Variants in KLHL5 observed in about 807,000 individuals in gnomAD.
KLHL5 encodes the protein kelch like family member 5.
KLHL5 carries 48 observed loss-of-function variants against 77.7 expected under a neutral mutation model. That is an observed-to-expected ratio of 0.62 (90% confidence interval 0.49 to 0.79). The LOEUF is 0.79. KLHL5 is among the 30% of genes least tolerant of loss of function. The pLI is 0.00. For missense variants in KLHL5, 723 were observed against 859.7 expected (o/e 0.84, Z 1.99); for synonymous variants, 260 against 297.0 (o/e 0.88, Z 1.28).
rs1723359016 is a variant in KLHL5, at chr4:39,123,738, C to A, written c.*2672C>A. Among the ~76,000 whole-genome samples the A allele has an allele frequency of 6.6e-6, 1 of 152,118 alleles. No homozygotes were observed. Among genetic ancestry groups the A allele is most frequent in the Admixed American group, 6.5e-5 (1 of 15,268 alleles). ...AACCTGATAAAGACATCCATAAAAA[C>A]CCACAGCTAACAACATAATAGCAAA... On this transcript the variant is annotated 3_prime_UTR_variant, in exon 11 of 11. Transcript: ENST00000504108.
At chr4:39,132,397 T>C in the KLHL5 span, among the ~76,000 whole-genome samples, 7 of 152,174 alleles carry the variant, frequency 4.6e-5, no homozygotes, top group South Asian at 2.1e-4. Flanking sequence ...TCACTTGAGC[T>C]CACAAGTTCG....
chr4:39,106,225 C>T (rs1303448004), intron 7 of KLHL5, among the ~76,000 whole-genome samples: 1 of 152,180 alleles, frequency 6.6e-6, no homozygotes, highest in Non-Finnish European at 1.5e-5. Flanking sequence ...ACCTCAGGAC[C>T]TTTGCACGTG....
chr4:39,111,753 C>A (rs1722468515), intron 8 of KLHL5, among the ~76,000 whole-genome samples: 1 of 152,026 alleles, frequency 6.6e-6, no homozygotes, highest in African/African-American at 2.4e-5. Context: ...ATTTCAATTT[C>A]CATACTATTA....
intron 2 of KLHL5, among the ~76,000 whole-genome samples, chr4:39,078,325 G>A (rs538219028): frequency 1.3e-5 from 2 of 151,968 alleles, no homozygotes; most frequent in Non-Finnish European, 2.9e-5. Context: ...AGCAGAGGTT[G>A]CAGTGAACCG....
chr4:39,065,321 C>G (rs1415158370), intron 1 of KLHL5, among the ~76,000 whole-genome samples: 1 of 151,614 alleles, frequency 6.6e-6, no homozygotes, highest in Admixed American at 6.6e-5. Context: ...CAAATCAAAG[C>G]CTGTCACTGT....
At chr4:39,068,087 T>C (rs1485833022) in intron 1 of KLHL5, among the ~76,000 whole-genome samples, 1 of 152,116 alleles carries the variant, frequency 6.6e-6, no homozygotes, top group Non-Finnish European at 1.5e-5. Context: ...TCAGTTGATT[T>C]GCTACTCTTC....
rs565240260 is a variant in KLHL5, at chr4:39,078,244, G to A, written c.566+2097G>A. ...TTACTAAAAATACAAAAATTAGCCC[G>A]GTGTGGTGGCAGGTACCTGTAATCC... On this transcript the variant is annotated intron_variant, in intron 2 of 10. Transcript: ENST00000504108. Among the ~76,000 whole-genome samples, 22 of 152,116 alleles carry A rather than the reference G, an allele frequency of 1.4e-4. No individual in the cohort carries two copies. In the South Asian group the frequency reaches 4.0e-3, roughly 27 times the overall value.
intron 5 of KLHL5, among the ~76,000 whole-genome samples, chr4:39,087,863 T>C (rs1720192489): frequency 6.6e-6 from 1 of 152,226 alleles, no homozygotes; most frequent in Non-Finnish European, 1.5e-5. Context: ...TTGAGCATAA[T>C]GTATTATTTC....
At chr4:39,065,889 G>A (rs565583464) in intron 1 of KLHL5, among the ~76,000 whole-genome samples, 8 of 152,320 alleles carry the variant, frequency 5.3e-5, no homozygotes, top group African/African-American at 1.9e-4. Context: ...AAAAGGGGAA[G>A]ACAGCTAAGT....
the KLHL5 span, among the ~76,000 whole-genome samples, chr4:39,140,141 A>G: frequency 2.6e-5 from 4 of 151,952 alleles, no homozygotes; most frequent in Non-Finnish European, 4.4e-5. Context: ...GGGCAGGAGG[A>G]TTGCTTGAAC....
rs769853822 is a variant in KLHL5, at chr4:39,121,204, T to C, written c.*138T>C. 4 of 692,120 alleles carry C rather than the reference T, an allele frequency of 5.8e-6. No homozygotes were observed. The highest frequency in any genetic ancestry group is 5.2e-5 in the South Asian group (3 of 58,182). The allele number at this position is 692,120 out of a possible 1,614,324, so 42.9% of individuals were successfully genotyped here. ...AAAGTGCCTGATGTCAAAATGAAGA[T>C]AGTAAAACAAGGGAGGAAGCAGTGG... On this transcript the variant is annotated 3_prime_UTR_variant, in exon 11 of 11. Transcript: ENST00000504108.
the KLHL5 span, among the ~76,000 whole-genome samples, chr4:39,141,372 A>G: frequency 1.4e-5 from 2 of 144,490 alleles, no homozygotes; most frequent in East Asian, 2.0e-4. Flanking sequence ...GCAGTGGCGC[A>G]ATCTCGGCTC....
intron 1 of KLHL5, among the ~76,000 whole-genome samples, chr4:39,055,931 T>C (rs1021694671): frequency 9.9e-5 from 15 of 152,238 alleles, no homozygotes; most frequent in Non-Finnish European, 1.8e-4. Flanking sequence ...TCTTCCCTCG[T>C]ATACTTATAG....
rs547210927 is a variant in KLHL5, at chr4:39,115,138, G to A, written c.1902-21G>A. 7.0e-5 allele frequency: 111 copies of A among 1,587,636 alleles called. 1 individual carries two copies. Among genetic ancestry groups the A allele is most frequent in the South Asian group, 6.4e-4 (54 of 84,522 alleles). The stretch of plus-strand genomic sequence containing the variant: ...ATATTTTAAGAATAATGTCAGCTCC[G>A]GTTCTAAAATTTTCTTACAGATATG... On this transcript the variant is annotated intron_variant, in intron 9 of 10. Coordinates refer to ENST00000504108, the MANE Select transcript of KLHL5 (RefSeq NM_015990.5).
chr4:39,124,802 CAAAAA>C lies in KLHL5; in HGVS notation c.*3756_*3760del, dbSNP rs71643268. The stretch of plus-strand genomic sequence containing the variant: ...GCACCAAAAGCACAAGCAACAACAG[CAAAAA>C]AAAAAAAAAAAAAAAAAAATCAAAA... On this transcript the variant is annotated 3_prime_UTR_variant, in exon 11 of 11. Coordinates refer to ENST00000504108, the MANE Select transcript of KLHL5 (RefSeq NM_015990.5). 3.6e-3 allele frequency among the ~76,000 whole-genome samples: 157 copies of C among 44,128 alleles called. No individual in the cohort carries two copies. Among genetic ancestry groups the C allele is most frequent in the Middle Eastern group, 0.045 (2 of 44 alleles). The allele number at this position is 44,128 out of a possible 152,430, so 28.9% of individuals were successfully genotyped here. A position where few individuals can be genotyped will look rare whatever the true frequency, so the allele number is the denominator to read the frequency against.
the KLHL5 span, among the ~76,000 whole-genome samples, chr4:39,135,956 G>A: frequency 2.0e-5 from 3 of 150,990 alleles, no homozygotes; most frequent in Non-Finnish European, 2.9e-5. Flanking sequence ...AGACACGGCC[G>A]AATTATGATA....
At chr4:39,128,218 C>T (rs1723633148), downstream of KLHL5, among the ~76,000 whole-genome samples, 1 of 152,128 alleles carries the variant, frequency 6.6e-6, no homozygotes, top group South Asian at 2.1e-4. Context: ...AATTAGCTTC[C>T]ACTAATTATT....
chr4:39,120,033 T>C (rs1180014257), intron 10 of KLHL5: 1 of 152,186 alleles, frequency 6.6e-6, no homozygotes, highest in South Asian at 2.1e-4. Context: ...AATCTACTCA[T>C]TGGTCTAGGG....
intron 2 of KLHL5, among the ~76,000 whole-genome samples, chr4:39,077,540 C>G (rs574194208): frequency 6.6e-6 from 1 of 152,106 alleles, no homozygotes; most frequent in Non-Finnish European, 1.5e-5. Context: ...TACCACCTTA[C>G]TCTTGCAAGA....
Sources: gnomAD v4.1 joint callset for allele counts (sites outside exome capture counted in the v4.1 genomes callset) on GRCh38, gnomAD v4.1.1 for gene constraint, MANE v1.5 for transcripts, NCBI Gene and HGNC (gene_info 2026-07-23, HGNC 2026-07-21) for gene names.